KDELR2: variants seen among roughly 807,000 people sequenced by gnomAD.
KDELR2 encodes the protein KDEL endoplasmic reticulum protein retention receptor 2.
A neutral mutation model predicts 23.9 loss-of-function variants in KDELR2; 15 were observed. The ratio of observed to expected loss-of-function variants is 0.63; its 90% confidence interval spans 0.42 to 0.97. The LOEUF is 0.97. Ranked by LOEUF, KDELR2 falls within the 50% of genes least tolerant of loss-of-function variation. The probability of loss-of-function intolerance (pLI) is 0.00; values close to 1 mark genes in which losing one functional copy is unlikely to be tolerated. For synonymous variants in KDELR2, 119 were observed against 106.2 expected, an observed-to-expected ratio of 1.12 and a Z score of -0.74; for missense variants, 272 against 254.6, an observed-to-expected ratio of 1.07 and a Z score of -0.46.
At position 6,484,072 on chromosome 7, in the gene KDELR2, T is replaced by TGGC. The variant is rs1785978995; in HGVS notation, c.-18_-16dup. ...AAAATGTTCATGGCGGCGGCGGCGG[T>TGGC]GGCGGTCGGCGCAGCGCGGCGGCCC... is the stretch of plus-strand genomic sequence containing the variant. On this transcript the variant is annotated 5_prime_UTR_variant, in exon 1 of 5. Transcript: ENST00000258739. 6.8e-7 allele frequency: 1 copy of TGGC among 1,473,672 alleles called. No individual in the cohort carries two copies. Among genetic ancestry groups the TGGC allele is most frequent in the Non-Finnish European group, 9.0e-7 (1 of 1,107,410 alleles). 91.3% of individuals were successfully genotyped at this position (1,473,672 alleles called of 1,614,324 possible). A position where few individuals can be genotyped will look rare whatever the true frequency, so the allele number is the denominator to read the frequency against.
rs1321169640 is a variant in KDELR2, at chr7:6,461,988, A to G, written c.*1153T>C. 6.6e-6 allele frequency: 1 copy of G among 152,210 alleles called. No homozygotes were observed. Among genetic ancestry groups the G allele is most frequent in the African/African-American group, 2.4e-5 (1 of 41,456 alleles). The allele number at this position is 152,210 out of a possible 1,614,324, so 9.4% of individuals were successfully genotyped here. ...AAAAACAAAAAAATCCCAACACAGG[A>G]TGTTCAAAAAGCCTAATTCATAAAA... On this transcript the variant is annotated 3_prime_UTR_variant, in exon 5 of 5. Coordinates refer to ENST00000258739, the MANE Select transcript of KDELR2 (RefSeq NM_006854.4).
chr7:6,463,178 A>T lies in KDELR2; in HGVS notation c.605-3T>A. 1 of 1,605,260 alleles carries T rather than the reference A, an allele frequency of 6.2e-7. No homozygotes were observed. The highest frequency in any genetic ancestry group is 8.5e-7 in the Non-Finnish European group (1 of 1,177,012). Reference sequence around the variant, plus strand: ...ACTGAGCTTCTTTCCCTTGAGTACTAGAATTTCAAAGAGAAGAAAAGAAAA... The same window carrying T: ...ACTGAGCTTCTTTCCCTTGAGTACTTGAATTTCAAAGAGAAGAAAAGAAAA... On this transcript the variant is annotated splice_polypyrimidine_tract_variant and splice_region_variant and intron_variant, in intron 4 of 4. Transcript: ENST00000258739.
intron 2 of KDELR2, among the ~76,000 whole-genome samples, chr7:6,472,367 T>TA (rs1432198713): frequency 2.0e-5 from 3 of 152,160 alleles, no homozygotes; most frequent in African/African-American, 2.4e-5. Flanking sequence ...ACACAGAAGT[T>TA]AAAGTAAAAA....
chr7:6,482,471 C>G (rs909699357), intron 1 of KDELR2: 16 of 417,922 alleles, frequency 3.8e-5, no homozygotes, highest in East Asian at 7.4e-5. Flanking sequence ...TGAGAGATAA[C>G]CTCCAAGTCA....
chr7:6,469,561 A>G, intron 3 of KDELR2, 35 bp downstream of exon 3: 1 of 1,597,088 alleles, frequency 6.3e-7, no homozygotes, highest in Non-Finnish European at 8.6e-7. Context: ...GGCATGAGCC[A>G]CCATGCCTGG....
At position 6,461,984 on chromosome 7, in the gene KDELR2, C is replaced by A. The variant is rs950898186; in HGVS notation, c.*1157G>T. On this transcript the variant is annotated 3_prime_UTR_variant, in exon 5 of 5. Coordinates refer to ENST00000258739, the MANE Select transcript of KDELR2 (RefSeq NM_006854.4). ...ATTGAAAAACAAAAAAATCCCAACA[C>A]AGGATGTTCAAAAAGCCTAATTCAT... 6.6e-6 allele frequency: 1 copy of A among 152,062 alleles called. No homozygotes were observed. The highest frequency in any genetic ancestry group is 2.4e-5 in the African/African-American group (1 of 41,412). 9.4% of individuals were successfully genotyped at this position (152,062 alleles called of 1,614,324 possible).
Position 6,461,849 on chromosome 7 carries a change from T to C in KDELR2, c.*1292A>G, listed in dbSNP as rs1208559665. ...TTAATCAAAAAATAGCAAATCCATA[T>C]AATGGCAAAATCAGGAAAAAAATTC... On this transcript the variant is annotated 3_prime_UTR_variant, in exon 5 of 5. Transcript: ENST00000258739. 1 of 152,050 alleles carries C rather than the reference T, an allele frequency of 6.6e-6. No homozygotes were observed. Among genetic ancestry groups the C allele is most frequent in the Non-Finnish European group, 1.5e-5 (1 of 68,022 alleles). The allele number at this position is 152,050 out of a possible 1,614,324, so 9.4% of individuals were successfully genotyped here.
chr7:6,464,670 TGA>T (rs1308945601), intron 4 of KDELR2, among the ~76,000 whole-genome samples: 3 of 150,312 alleles, frequency 2.0e-5, no homozygotes, highest in African/African-American at 7.3e-5. Flanking sequence ...CTAGCCTGGG[TGA>T]GAGAGACTCG....
At chr7:6,481,290 G>A (rs970416907) in intron 1 of KDELR2, among the ~76,000 whole-genome samples, 19 of 149,290 alleles carry the variant, frequency 1.3e-4, no homozygotes, top group African/African-American at 4.5e-4. Flanking sequence ...GCTTGAACCC[G>A]GGAGGCAGAG....
intron 1 of KDELR2, among the ~76,000 whole-genome samples, chr7:6,480,326 T>C (rs910361188): frequency 2.6e-5 from 4 of 152,230 alleles, no homozygotes; most frequent in African/African-American, 9.6e-5. Flanking sequence ...TCCGAGGTTA[T>C]GTAGGTCAGT....
At chr7:6,473,795 T>C (rs1463136806) in intron 2 of KDELR2, among the ~76,000 whole-genome samples, 1 of 152,230 alleles carries the variant, frequency 6.6e-6, no homozygotes, top group East Asian at 1.9e-4. Flanking sequence ...GGAGTCCTGC[T>C]TTCGTTCCTT....
intron 4 of KDELR2, among the ~76,000 whole-genome samples, chr7:6,465,318 G>C (rs1023666013): frequency 3.3e-5 from 5 of 151,484 alleles, no homozygotes; most frequent in Non-Finnish European, 7.4e-5. Flanking sequence ...CGAGTAACTG[G>C]GACTACAGGC....
At chr7:6,481,146 G>A (rs369642796) in intron 1 of KDELR2, among the ~76,000 whole-genome samples, 32 of 152,102 alleles carry the variant, frequency 2.1e-4, no homozygotes, top group African/African-American at 7.5e-4. Context: ...CGAAGCGGGC[G>A]GATCATGAGG....
chr7:6,478,945 C>A (rs554240276), intron 1 of KDELR2, among the ~76,000 whole-genome samples: 1 of 152,048 alleles, frequency 6.6e-6, no homozygotes, highest in Admixed American at 6.6e-5. Flanking sequence ...CCTGCCACCA[C>A]GCCCGGGTAA....
chr7:6,482,312 T>A, intron 1 of KDELR2: 1 of 199,410 alleles, frequency 5.0e-6, no homozygotes, highest in Non-Finnish European at 1.1e-5. Flanking sequence ...CTAAGGTTAT[T>A]TTAATGACTA....
At chr7:6,471,060 T>C (rs534801546) in intron 2 of KDELR2, among the ~76,000 whole-genome samples, 12 of 148,536 alleles carry the variant, frequency 8.1e-5, no homozygotes, top group Admixed American at 8.1e-4. Context: ...GAGCTTGCAG[T>C]GTGCCGAGAT....
chr7:6,462,813 T>A lies in KDELR2; in HGVS notation c.*328A>T, dbSNP rs1382003702. On this transcript the variant is annotated 3_prime_UTR_variant, in exon 5 of 5. Transcript: ENST00000258739. Reference sequence around the variant, plus strand: ...AAGAGTTTCAAAGAATTTTTTAAAATAAAAAAAAAATTTGCACTTATTCCT... The same window carrying A: ...AAGAGTTTCAAAGAATTTTTTAAAAAAAAAAAAAAATTTGCACTTATTCCT... 17 of 566,510 alleles carry A rather than the reference T, an allele frequency of 3.0e-5. No individual in the cohort carries two copies. Among genetic ancestry groups the A allele is most frequent in the Non-Finnish European group, 4.9e-5 (17 of 343,978 alleles). The allele number at this position is 566,510 out of a possible 1,614,324, so 35.1% of individuals were successfully genotyped here. A position where few individuals can be genotyped will look rare whatever the true frequency, so the allele number is the denominator to read the frequency against.
At chr7:6,471,083 C>T (rs1212254654) in intron 2 of KDELR2, among the ~76,000 whole-genome samples, 8 of 149,412 alleles carry the variant, frequency 5.4e-5, no homozygotes, top group Non-Finnish European at 1.0e-4. Context: ...CGCCACTGCA[C>T]TCCAGCCTGG....
Position 6,469,766 on chromosome 7 carries a change from AG to A in KDELR2, c.193-13del. 1 of 1,600,402 alleles carries A rather than the reference AG, an allele frequency of 6.2e-7. No homozygotes were observed. Among genetic ancestry groups the A allele is most frequent in the Non-Finnish European group, 8.5e-7 (1 of 1,174,592 alleles). On this transcript the variant is annotated splice_polypyrimidine_tract_variant and intron_variant, in intron 2 of 4. Coordinates refer to ENST00000258739, the MANE Select transcript of KDELR2 (RefSeq NM_006854.4). ...GCAAGGTAGATAACCTACAAATAAAAGAAAAAACACCAGGTGTCAATACCTT... is the reference window on the plus strand; with the variant it reads ...GCAAGGTAGATAACCTACAAATAAAAAAAAAACACCAGGTGTCAATACCTT...
Sources: allele counts gnomAD v4.1 joint callset (sites outside exome capture counted in the v4.1 genomes callset), GRCh38; gene constraint gnomAD v4.1.1; transcripts MANE v1.5; gene names NCBI Gene and HGNC (gene_info 2026-07-23, HGNC 2026-07-21).